The following CHST11 variants were observed in gnomAD, a reference collection of about 807,000 sequenced individuals.
CHST11 encodes the protein carbohydrate sulfotransferase 11, also known as C4S-1.
In CHST11, 9 loss-of-function variants were observed where a neutral mutation model predicts 30.4. That is an observed-to-expected ratio of 0.30 (90% CI 0.18 to 0.52). The LOEUF (loss-of-function observed/expected upper bound fraction) is 0.52, where lower values mean the gene tolerates loss of function less well. Among genes scored for constraint, CHST11 ranks in the 20% least tolerant of loss-of-function variants. CHST11 has a pLI of 0.97. For missense variants in CHST11, 348 were observed against 460.6 expected, an observed-to-expected ratio of 0.76 and a Z score of 2.24; for synonymous variants, 152 against 187.8, an observed-to-expected ratio of 0.81 and a Z score of 1.56.
At chr12:104,606,458 T>C (rs368547790) in intron 2 of CHST11, among the ~76,000 whole-genome samples, 2 of 152,208 alleles carry the variant, frequency 1.3e-5, no homozygotes, top group Non-Finnish European at 2.9e-5. Context: ...TTCACACGTC[T>C]CATGGAATCT....
At chr12:104,645,929 C>T (rs1043826375) in intron 2 of CHST11, among the ~76,000 whole-genome samples, 4 of 152,186 alleles carry the variant, frequency 2.6e-5, no homozygotes, top group Non-Finnish European at 4.4e-5. Flanking sequence ...TGATCAAGCT[C>T]GTCATCATGG....
At chr12:104,488,230 G>A (rs2037703023) in intron 1 of CHST11, among the ~76,000 whole-genome samples, 1 of 152,166 alleles carries the variant, frequency 6.6e-6, no homozygotes, top group African/African-American at 2.4e-5. Context: ...AAAGGACGGA[G>A]AAAGATGTTG....
chr12:104,672,224 C>T (rs899542418), intron 2 of CHST11, among the ~76,000 whole-genome samples: 4 of 148,000 alleles, frequency 2.7e-5, no homozygotes, highest in Middle Eastern at 3.4e-3. Context: ...GGGGGTGGAC[C>T]GTGTGGGAGA....
chr12:104,580,651 T>G (rs2038734214), intron 1 of CHST11, among the ~76,000 whole-genome samples: 1 of 152,222 alleles, frequency 6.6e-6, no homozygotes, highest in Non-Finnish European at 1.5e-5. Flanking sequence ...TCTCTACTTG[T>G]TGTAATTTAC....
intron 1 of CHST11, among the ~76,000 whole-genome samples, chr12:104,475,658 TTATATATATATATA>T (rs67453124): frequency 3.2e-4 from 11 of 34,162 alleles, no homozygotes; most frequent in Middle Eastern, 0.026. Context: ...TAAAGCAGCA[TTATATATATATATA>T]TATATATATA....
intron 1 of CHST11, among the ~76,000 whole-genome samples, chr12:104,488,923 C>G (rs1003991258): frequency 1.3e-5 from 2 of 152,172 alleles, no homozygotes; most frequent in African/African-American, 4.8e-5. Context: ...CCTGAGGCCT[C>G]TCTTCTTGGC....
chr12:104,545,640 C>T (rs12367118), intron 1 of CHST11, among the ~76,000 whole-genome samples: 20,349 of 152,108 alleles, frequency 0.13, 1,438 homozygotes, highest in African/African-American at 0.15. Flanking sequence ...AACAAAGGCA[C>T]GTTTCTTATA....
At chr12:104,703,776 A>G (rs1264676357) in intron 2 of CHST11, among the ~76,000 whole-genome samples, 2 of 152,360 alleles carry the variant, frequency 1.3e-5, no homozygotes, top group Middle Eastern at 3.4e-3. Context: ...CACCAGGCAC[A>G]TGCCTTTGCC....
chr12:104,691,941 G>T (rs918209331), intron 2 of CHST11, among the ~76,000 whole-genome samples: 1 of 152,340 alleles, frequency 6.6e-6, no homozygotes, highest in East Asian at 1.9e-4. Context: ...TGTTTAGGAA[G>T]TCACTGCCTC....
intron 1 of CHST11, among the ~76,000 whole-genome samples, chr12:104,491,372 C>G (rs1472000201): frequency 4.6e-5 from 7 of 152,222 alleles, no homozygotes; most frequent in Middle Eastern, 3.4e-3. Context: ...TCTCCCTGTG[C>G]CCCCCATGAT....
At chr12:104,575,880 A>G (rs2038679500) in intron 1 of CHST11, among the ~76,000 whole-genome samples, 1 of 151,984 alleles carries the variant, frequency 6.6e-6, no homozygotes, top group Admixed American at 6.5e-5. Context: ...AGAGGAACTC[A>G]ACATTGTAAA....
chr12:104,559,576 C>G lies in CHST11; in HGVS notation c.119-42330C>G, dbSNP rs1016273785. Among the ~76,000 whole-genome samples the G allele has an allele frequency of 2.6e-5, 4 of 152,216 alleles. No individual in the cohort carries two copies. The East Asian group carries it at 7.7e-4, about 29-fold the overall frequency. On this transcript the variant is annotated intron_variant, in intron 1 of 2. Coordinates refer to ENST00000303694, the MANE Select transcript of CHST11 (RefSeq NM_018413.6). ...TGACCAACATGGTAAAACCCCCTCT[C>G]TACTAAAAATACAAAAATTAGCCGG...
intron 1 of CHST11, among the ~76,000 whole-genome samples, chr12:104,498,043 C>T (rs901165343): frequency 1.3e-5 from 2 of 151,536 alleles, no homozygotes; most frequent in South Asian, 2.1e-4. Context: ...CTCAGCCTCC[C>T]GAGTAGCTGG....
intron 1 of CHST11, among the ~76,000 whole-genome samples, chr12:104,516,087 A>G (rs2038019945): frequency 6.6e-6 from 1 of 152,224 alleles, no homozygotes; most frequent in Non-Finnish European, 1.5e-5. Context: ...TTGAAGCTCA[A>G]CCTTGGCAGT....
At chr12:104,634,044 A>G (rs927673922) in intron 2 of CHST11, among the ~76,000 whole-genome samples, 1 of 152,240 alleles carries the variant, frequency 6.6e-6, no homozygotes, top group African/African-American at 2.4e-5. Context: ...AGTACTTACT[A>G]TGCCAGGCTG....
intron 1 of CHST11, among the ~76,000 whole-genome samples, chr12:104,577,613 G>A (rs1031743326): frequency 4.6e-5 from 7 of 152,186 alleles, no homozygotes; most frequent in Non-Finnish European, 8.8e-5. Context: ...TCTGGGTGAA[G>A]CAGGATGATG....
intron 2 of CHST11, among the ~76,000 whole-genome samples, chr12:104,639,806 C>A (rs1207815401): frequency 3.3e-5 from 5 of 152,040 alleles, no homozygotes; most frequent in Admixed American, 1.3e-4. Context: ...GTGGTCTCAA[C>A]CAGCTTGTGT....
chr12:104,643,286 C>T (rs954508874), intron 2 of CHST11, among the ~76,000 whole-genome samples: 1 of 152,192 alleles, frequency 6.6e-6, no homozygotes, highest in Non-Finnish European at 1.5e-5. Flanking sequence ...TATGATTGTG[C>T]CACTGTGTTC....
Position 104,510,948 on chromosome 12 carries a change from G to C in CHST11, c.118+53419G>C, listed in dbSNP as rs559818590. Among the ~76,000 whole-genome samples the C allele has an allele frequency of 8.5e-5, 13 of 152,218 alleles. No homozygotes were observed. In the East Asian group the frequency reaches 2.1e-3, roughly 25 times the overall value. ...GATATTTATACATACTTTAAAATGA[G>C]TAGGTTGGAGGGGAACTTTAAATAT... On this transcript the variant is annotated intron_variant, in intron 1 of 2. Transcript: ENST00000303694.
Sources: gnomAD v4.1 joint callset for allele counts (sites outside exome capture counted in the v4.1 genomes callset) on GRCh38, gnomAD v4.1.1 for gene constraint, MANE v1.5 for transcripts, NCBI Gene and HGNC (gene_info 2026-07-23, HGNC 2026-07-21) for gene names.